The following OSBPL6 variants were observed in gnomAD, a reference collection of about 807,000 sequenced individuals.
OSBPL6 encodes oxysterol-binding protein-related protein 6.
OSBPL6 carries 49 observed loss-of-function variants against 125.8 expected under a neutral mutation model. The observed-to-expected ratio is 0.39, with a 90% CI of 0.31 to 0.49. OSBPL6 has a LOEUF of 0.49. Ranked by LOEUF, OSBPL6 falls within the 20% of genes least tolerant of loss-of-function variation. The pLI is 0.88. For synonymous variants in OSBPL6, 394 were observed against 391.8 expected, an observed-to-expected ratio of 1.01 and a Z score of -0.07; for missense variants, 986 against 1,135.4, an observed-to-expected ratio of 0.87 and a Z score of 1.89.
chr2:178,310,932 A>C (rs1303535293), intron 3 of OSBPL6, among the ~76,000 whole-genome samples: 2 of 152,054 alleles, frequency 1.3e-5, no homozygotes, highest in African/African-American at 4.8e-5. Flanking sequence ...TCTCACCTGG[A>C]CTATCGTCAC....
chr2:178,350,763 C>T (rs1191881253), intron 12 of OSBPL6, among the ~76,000 whole-genome samples: 1 of 152,144 alleles, frequency 6.6e-6, no homozygotes, highest in African/African-American at 2.4e-5. Flanking sequence ...GTAACTTCTA[C>T]TTTGGGGAAG....
At chr2:178,226,062 T>C (rs2090549262) in intron 1 of OSBPL6, among the ~76,000 whole-genome samples, 2 of 152,184 alleles carry the variant, frequency 1.3e-5, no homozygotes, top group South Asian at 4.1e-4. Context: ...CAATACCTTT[T>C]CTGGGCCATA....
chr2:178,321,995 G>A (rs1688284391), intron 3 of OSBPL6, among the ~76,000 whole-genome samples: 1 of 152,172 alleles, frequency 6.6e-6, no homozygotes, highest in Non-Finnish European at 1.5e-5. Flanking sequence ...CCTGGTTTGT[G>A]TGGTTGCTAA....
At chr2:178,394,572 C>T (rs1055596820) in intron 24 of OSBPL6, 137 bp downstream of exon 24, 20 of 1,136,594 alleles carry the variant, frequency 1.8e-5, no homozygotes, top group Middle Eastern at 5.1e-4. Flanking sequence ...AATATTGAAT[C>T]GATTTTGCAC....
intron 2 of OSBPL6, among the ~76,000 whole-genome samples, chr2:178,286,155 A>G (rs1017761103): frequency 2.0e-5 from 3 of 152,244 alleles, no homozygotes; most frequent in African/African-American, 4.8e-5. Flanking sequence ...AAGAAAATTA[A>G]TTGCCAACAT....
intron 1 of OSBPL6, among the ~76,000 whole-genome samples, chr2:178,258,170 G>A (rs2091945457): frequency 6.6e-6 from 1 of 151,510 alleles, no homozygotes; most frequent in Non-Finnish European, 1.5e-5. Flanking sequence ...GCGCGATCTT[G>A]GCTCACCATG....
At chr2:178,246,907 T>A (rs771959181) in intron 1 of OSBPL6, among the ~76,000 whole-genome samples, 2 of 152,144 alleles carry the variant, frequency 1.3e-5, no homozygotes, top group Non-Finnish European at 2.9e-5. Flanking sequence ...CTCTTCACAA[T>A]CACTAGCAGC....
intron 1 of OSBPL6, among the ~76,000 whole-genome samples, chr2:178,224,460 T>A (rs916685204): frequency 6.6e-6 from 1 of 152,234 alleles, no homozygotes; most frequent in Non-Finnish European, 1.5e-5. Flanking sequence ...GCCTTGCATG[T>A]GAATGTCTTT....
Position 178,271,196 on chromosome 2 carries a change from G to A in OSBPL6, c.-350-13731G>A, listed in dbSNP as rs368696514. 9.2e-5 allele frequency among the ~76,000 whole-genome samples: 14 copies of A among 151,998 alleles called. No homozygotes were observed. In the Middle Eastern group the frequency reaches 0.01, roughly 112 times the overall value. On this transcript the variant is annotated intron_variant, in intron 1 of 24. Transcript: ENST00000190611. ...AATGGATGGCATTGTTCACTGTCTC[G>A]GCATTTTAAAATTTATTTCAATTTT... is the stretch of plus-strand genomic sequence containing the variant.
chr2:178,388,645 T>C (rs1319491241), intron 20 of OSBPL6, among the ~76,000 whole-genome samples: 1 of 152,196 alleles, frequency 6.6e-6, no homozygotes, highest in Non-Finnish European at 1.5e-5. Flanking sequence ...TTGACACTCA[T>C]CCCACGTTCC....
chr2:178,318,714 G>A (rs902286503), intron 3 of OSBPL6, among the ~76,000 whole-genome samples: 10 of 152,150 alleles, frequency 6.6e-5, no homozygotes, highest in Non-Finnish European at 1.2e-4. Flanking sequence ...TCCTGATCAT[G>A]AGGTGATGCT....
rs754649096 is a variant in OSBPL6, at chr2:178,372,170, A to G, written c.1332A>G (p.Ile444Met). The G allele has an allele frequency of 9.3e-6, 15 of 1,613,380 alleles. No homozygotes were observed. The highest frequency in any genetic ancestry group is 1.2e-5 in the Non-Finnish European group (14 of 1,179,528). Residue 444 changes from isoleucine (I) to methionine (M), a missense_variant, in exon 14 of 25, where the codon ATA becomes ATG. Coordinates refer to ENST00000190611, the MANE Select transcript of OSBPL6 (RefSeq NM_032523.4). Reference protein sequence around the residue: ...NAELRSRLNRIHSESIICDQV... With the variant: ...NAELRSRLNRMHSESIICDQV... ...AACTAAGGAGTCGGTTGAACAGAAT[A>G]CATTCAGAGTCTATTATTTGTGATC... is the stretch of plus-strand genomic sequence containing the variant.
At chr2:178,244,114 T>C (rs542018988) in intron 1 of OSBPL6, among the ~76,000 whole-genome samples, 2 of 152,324 alleles carry the variant, frequency 1.3e-5, no homozygotes, top group East Asian at 3.9e-4. Flanking sequence ...TCCTTTGCCT[T>C]ACACACTGCT....
intron 23 of OSBPL6, among the ~76,000 whole-genome samples, chr2:178,392,895 G>A (rs1695540087): frequency 6.7e-6 from 1 of 150,048 alleles, no homozygotes; most frequent in African/African-American, 2.4e-5. Context: ...TATGGCTTGG[G>A]GCTTTAGAGG....
chr2:178,365,424 T>C (rs1187611077), intron 13 of OSBPL6, among the ~76,000 whole-genome samples: 1 of 152,188 alleles, frequency 6.6e-6, no homozygotes, highest in Non-Finnish European at 1.5e-5. Context: ...AAACAAAAAT[T>C]TGCAAGGCTG....
intron 12 of OSBPL6, among the ~76,000 whole-genome samples, chr2:178,361,342 A>G (rs1253822247): frequency 1.3e-5 from 2 of 152,228 alleles, no homozygotes; most frequent in African/African-American, 4.8e-5. Context: ...CAAATATGGC[A>G]AGTAAACTTG....
chr2:178,316,224 A>T (rs1207812301), intron 3 of OSBPL6, among the ~76,000 whole-genome samples: 1 of 152,220 alleles, frequency 6.6e-6, no homozygotes, highest in African/African-American at 2.4e-5. Flanking sequence ...TAATTGATTT[A>T]GCTTTTTTGG....
At chr2:178,358,003 C>G (rs761656293) in intron 12 of OSBPL6, among the ~76,000 whole-genome samples, 4 of 152,150 alleles carry the variant, frequency 2.6e-5, no homozygotes, top group Admixed American at 1.3e-4. Flanking sequence ...CATACACCAC[C>G]TGTTCTCACT....
chr2:178,334,399 T>C (rs549244569), intron 8 of OSBPL6, among the ~76,000 whole-genome samples: 216 of 152,358 alleles, frequency 1.4e-3, no homozygotes, highest in Non-Finnish European at 2.2e-3. Flanking sequence ...ACTGCAATAC[T>C]AACCAAATCA....
Sources: allele counts gnomAD v4.1 joint callset (sites outside exome capture counted in the v4.1 genomes callset), GRCh38; gene constraint gnomAD v4.1.1; transcripts MANE v1.5; gene names NCBI Gene and HGNC (gene_info 2026-07-23, HGNC 2026-07-21).